Variants in WWOX observed in about 807,000 individuals in gnomAD.
The protein encoded by WWOX is WW domain-containing oxidoreductase.
Under a neutral mutation model 46.2 loss-of-function variants are expected in WWOX, and 69 were observed. That is an observed-to-expected ratio of 1.49 (90% CI 1.23 to 1.82). The LOEUF (loss-of-function observed/expected upper bound fraction) is 1.82. Ranked by LOEUF, WWOX falls within the 40% of genes most tolerant of loss-of-function variation. WWOX has a pLI of 0.00. For synonymous variants in WWOX, 359 were observed against 202.6 expected, an observed-to-expected ratio of 1.77 and a Z score of -6.56; for missense variants, 919 against 542.6, an observed-to-expected ratio of 1.69 and a Z score of -6.89.
Position 79,212,204 on chromosome 16 carries a change from G to A in WWOX, c.*408G>A, listed in dbSNP as rs2051787720. The A allele has an allele frequency of 1.4e-6, 2 of 1,450,800 alleles. No individual in the cohort carries two copies. Among genetic ancestry groups the A allele is most frequent in the Non-Finnish European group, 1.8e-6 (2 of 1,109,124 alleles). The allele number at this position is 1,450,800 out of a possible 1,614,324, so 89.9% of individuals were successfully genotyped here. A position where few individuals can be genotyped will look rare whatever the true frequency, so the allele number is the denominator to read the frequency against. On this transcript the variant is annotated 3_prime_UTR_variant, in exon 9 of 9. Transcript: ENST00000566780. ...CCGGGGGCTGGCCTTCTCCTACTTA[G>A]GGAAGAAAAAGCAAGTGTTCACTGC...
intron 5 of WWOX, among the ~76,000 whole-genome samples, chr16:78,358,629 G>C (rs2081346134): frequency 6.6e-6 from 1 of 152,036 alleles, no homozygotes; most frequent in Non-Finnish European, 1.5e-5. Context: ...CTGCACTCCA[G>C]CCTGAGCAAC....
At chr16:78,361,537 T>G (rs1038594673) in intron 5 of WWOX, among the ~76,000 whole-genome samples, 1 of 152,200 alleles carries the variant, frequency 6.6e-6, no homozygotes, top group Non-Finnish European at 1.5e-5. Flanking sequence ...ACTATGTATT[T>G]CCCTTACTCT....
intron 8 of WWOX, among the ~76,000 whole-genome samples, chr16:78,924,071 C>G (rs955083592): frequency 2.0e-5 from 3 of 152,092 alleles, no homozygotes; most frequent in Non-Finnish European, 1.5e-5. Flanking sequence ...CCCACCTTGG[C>G]CTCCCAAAGT....
chr16:78,176,834 G>A (rs1225875867), intron 5 of WWOX, among the ~76,000 whole-genome samples: 1 of 152,170 alleles, frequency 6.6e-6, no homozygotes, highest in Admixed American at 6.6e-5. Flanking sequence ...GGGCAGGAAG[G>A]GTGCTATTTT....
chr16:79,160,241 T>C (rs6564651), intron 8 of WWOX, among the ~76,000 whole-genome samples: 90,426 of 152,072 alleles, frequency 0.59, 28,124 homozygotes, highest in East Asian at 0.9. Flanking sequence ...TTTTGATGTA[T>C]AGACATCCCT....
chr16:78,896,368 C>T (rs151063770), intron 8 of WWOX: 1 of 152,284 alleles, frequency 6.6e-6, no homozygotes, highest in Admixed American at 6.5e-5. Context: ...CAAAAACGGG[C>T]TGGGACCACT....
At chr16:78,580,610 A>G (rs1294180103) in intron 8 of WWOX, among the ~76,000 whole-genome samples, 1 of 152,352 alleles carries the variant, frequency 6.6e-6, no homozygotes, top group East Asian at 1.9e-4. Context: ...CATTACCTTT[A>G]CAATCCAACA....
chr16:78,583,170 A>T (rs568425268), intron 8 of WWOX, among the ~76,000 whole-genome samples: 4 of 152,230 alleles, frequency 2.6e-5, no homozygotes, highest in East Asian at 3.9e-4. Context: ...TTGTAATGCA[A>T]AGTCTTTAAA....
In WWOX at chr16:78,424,984, C is replaced by G; in HGVS notation, c.720C>G (p.Val240=). The G allele has an allele frequency of 6.2e-7, 1 of 1,614,156 alleles. No individual in the cohort carries two copies. Among genetic ancestry groups the G allele is most frequent in the South Asian group, 1.1e-5 (1 of 91,076 alleles). The change falls in exon 7 of 9, where the codon GTC becomes GTG. Residue 240 remains valine, a synonymous_variant. Coordinates refer to ENST00000566780, the MANE Select transcript of WWOX (RefSeq NM_016373.4). ...QVNHLGHFYL[V]QLLQDVLCRS... ...ATCATCTGGGGCACTTCTACCTTGT[C>G]CAGCTCCTCCAGGATGTTTTGTGCC... is the stretch of plus-strand genomic sequence containing the variant.
intron 5 of WWOX, among the ~76,000 whole-genome samples, chr16:78,288,957 T>G (rs1482786442): frequency 6.6e-6 from 1 of 152,164 alleles, no homozygotes; most frequent in Non-Finnish European, 1.5e-5. Flanking sequence ...CAATTTGAGA[T>G]TGTTGAGTGT....
At chr16:78,418,603 T>C (rs187804218) in intron 6 of WWOX, among the ~76,000 whole-genome samples, 161 of 152,308 alleles carry the variant, frequency 1.1e-3, no homozygotes, top group Non-Finnish European at 1.7e-3. Flanking sequence ...AAGAATTGTA[T>C]ATTATGACTA....
In WWOX at chr16:78,429,490, G is replaced by A. The variant is rs192430735; in HGVS notation, c.792-2998G>A. ...AAGAAGTAGTCCCTGAACTGGGTTGGGCTAAACAAATATGCCAAGAAGGGT... is the reference window on the plus strand; with the variant it reads ...AAGAAGTAGTCCCTGAACTGGGTTGAGCTAAACAAATATGCCAAGAAGGGT... On this transcript the variant is annotated intron_variant, in intron 7 of 8. Transcript: ENST00000566780. Among the ~76,000 whole-genome samples, 1,213 of 152,258 alleles carry A rather than the reference G, an allele frequency of 8.0e-3. 12 individuals carry two copies. Among genetic ancestry groups the A allele is most frequent in the Non-Finnish European group, 8.6e-3 (585 of 68,022 alleles).
chr16:78,890,505 G>A (rs2044566820), intron 8 of WWOX: 1 of 152,106 alleles, frequency 6.6e-6, no homozygotes, highest in Non-Finnish European at 1.5e-5. Flanking sequence ...AACTGGGCAA[G>A]CCTCCTGGCT....
intron 8 of WWOX, among the ~76,000 whole-genome samples, chr16:78,874,327 G>C (rs2044190444): frequency 6.6e-6 from 1 of 151,946 alleles, no homozygotes; most frequent in African/African-American, 2.4e-5. Context: ...TGAATAGAGA[G>C]CTGCATCCTG....
intron 8 of WWOX, among the ~76,000 whole-genome samples, chr16:79,056,556 T>C (rs4888918): frequency 0.64 from 96,271 of 151,432 alleles, 31,020 homozygotes; most frequent in African/African-American, 0.71. Context: ...TTGGATAATT[T>C]TTTGTTGGGA....
At chr16:78,181,573 ATC>A (rs1291742968) in intron 5 of WWOX, among the ~76,000 whole-genome samples, 2 of 152,198 alleles carry the variant, frequency 1.3e-5, no homozygotes, top group Non-Finnish European at 2.9e-5. Flanking sequence ...CCACAGTGAA[ATC>A]TACGCTGGGA....
At chr16:78,407,985 G>C (rs957608165) in intron 6 of WWOX, among the ~76,000 whole-genome samples, 2 of 152,166 alleles carry the variant, frequency 1.3e-5, no homozygotes, top group African/African-American at 4.8e-5. Context: ...CAAGTCCCCT[G>C]TCCCTGCTCA....
chr16:78,114,504 G>T (rs762579878), intron 3 of WWOX, among the ~76,000 whole-genome samples: 1 of 152,146 alleles, frequency 6.6e-6, no homozygotes. Context: ...AAAATCGTTA[G>T]AATTTTGGTA....
At chr16:78,931,438 C>G (rs1256580523) in intron 8 of WWOX, among the ~76,000 whole-genome samples, 1 of 152,150 alleles carries the variant, frequency 6.6e-6, no homozygotes, top group African/African-American at 2.4e-5. Context: ...AAAGTTTGAG[C>G]TGGAAATGAA....
Sources: allele counts gnomAD v4.1 joint callset (sites outside exome capture counted in the v4.1 genomes callset), GRCh38; gene constraint gnomAD v4.1.1; transcripts MANE v1.5; gene names NCBI Gene and HGNC (gene_info 2026-07-23, HGNC 2026-07-21).